Variants in PPP2R3B observed in about 807,000 individuals in gnomAD.
PPP2R3B encodes serine/threonine-protein phosphatase 2A regulatory subunit B'' subunit beta.
In PPP2R3B, 68 loss-of-function variants were observed where a neutral mutation model predicts 72.9. The ratio of observed to expected loss-of-function variants is 0.93; its 90% confidence interval spans 0.77 to 1.14. PPP2R3B has a LOEUF of 1.14. PPP2R3B is among the 50% of genes most tolerant of loss of function. The probability of loss-of-function intolerance (pLI) is 0.00; values close to 1 mark genes in which losing one functional copy is unlikely to be tolerated. For missense variants in PPP2R3B, 1,018 were observed against 842.0 expected, an observed-to-expected ratio of 1.21 and a Z score of -2.59; for synonymous variants, 466 against 375.8, an observed-to-expected ratio of 1.24 and a Z score of -2.78.
intron 7 of PPP2R3B, chrX:344,983 GC>G: frequency 2.8e-6 from 1 of 356,876 alleles, no homozygotes; most frequent in Non-Finnish European, 5.5e-6. Context: ...CAGGCCACAG[GC>G]CGCTTTGAGT....
Position 361,463 on chromosome X carries a change from G to T in PPP2R3B, c.452C>A (p.Thr151Asn), listed in dbSNP as rs1312589761. 1.2e-6 allele frequency: 2 copies of T among 1,614,010 alleles called. No individual in the cohort carries two copies. The highest frequency in any genetic ancestry group is 3.3e-5 in the Admixed American group (2 of 60,026). ...VDAVISKIES[T>N]FARFPHERAT... is the part of the protein sequence containing the mutation. ...CCTCTCGTGGGGGAACCGGGCGAAG[G>T]TGCTCTCGATCTTGCTGATGACGGC... The change falls in exon 2 of 13, where the codon ACC becomes AAC. Residue 151 changes from threonine to asparagine, a missense_variant. Transcript: ENST00000390665.
intron 1 of PPP2R3B, among the ~76,000 whole-genome samples, chrX:364,477 T>A (rs1285674468): frequency 7.5e-6 from 1 of 132,916 alleles, no homozygotes; most frequent in Admixed American, 8.8e-5. Context: ...AAGACCAGCC[T>A]GGGCAACATG....
At chrX:381,156 T>G (rs2072115877) in intron 1 of PPP2R3B, among the ~76,000 whole-genome samples, 1 of 152,074 alleles carries the variant, frequency 6.6e-6, no homozygotes, top group Admixed American at 6.6e-5. Context: ...CTCAAACTCC[T>G]GGCCTCAAGG....
chrX:382,548 T>G (rs1289083507), intron 1 of PPP2R3B, among the ~76,000 whole-genome samples: 1 of 150,520 alleles, frequency 6.6e-6, no homozygotes, highest in Non-Finnish European at 1.5e-5. Context: ...ATAAACTCAG[T>G]GCATTTCTCA....
chrX:354,326 A>T (rs1406743381), intron 2 of PPP2R3B, among the ~76,000 whole-genome samples: 2 of 149,632 alleles, frequency 1.3e-5, no homozygotes, highest in African/African-American at 2.5e-5. Context: ...GGTCAAGACC[A>T]GTCCTTCATG....
At chrX:366,894 G>A (rs1244412416) in intron 1 of PPP2R3B, among the ~76,000 whole-genome samples, 2 of 150,792 alleles carry the variant, frequency 1.3e-5, no homozygotes, top group Non-Finnish European at 2.9e-5. Context: ...CAGGTGTGGT[G>A]GCGCATGCCT....
Position 347,506 on chromosome X carries a change from C to T in PPP2R3B, c.614+84G>A, listed in dbSNP as rs1302603915. Reference sequence around the variant, plus strand: ...GTTTCTCCTCTCACTGCGGCAGCCTCAGGGGGCACCCGTCCTGGCACCACG... The same window carrying T: ...GTTTCTCCTCTCACTGCGGCAGCCTTAGGGGGCACCCGTCCTGGCACCACG... On this transcript the variant is annotated intron_variant, in intron 3 of 12. Transcript: ENST00000390665. The T allele has an allele frequency of 4.8e-6, 7 of 1,452,330 alleles. No homozygotes were observed. In the Admixed American group the frequency reaches 6.0e-5, roughly 12 times the overall value. The allele number at this position is 1,452,330 out of a possible 1,614,324, so 90.0% of individuals were successfully genotyped here.
intron 12 of PPP2R3B, chrX:336,201 G>A (rs781191869): frequency 4.6e-5 from 7 of 151,946 alleles, no homozygotes; most frequent in South Asian, 2.1e-4. Flanking sequence ...GATAATCTCT[G>A]CAAAGAGAAT....
chrX:351,090 C>T (rs1056472051), intron 2 of PPP2R3B, among the ~76,000 whole-genome samples: 3 of 152,116 alleles, frequency 2.0e-5, no homozygotes, highest in East Asian at 3.9e-4. Flanking sequence ...GGACGCGCTC[C>T]GGCTGGCGCA....
Position 346,249 on chromosome X carries a change from C to A in PPP2R3B, c.804G>T (p.Arg268=). The change falls in exon 6 of 13, where the codon CGG becomes CGT. Residue 268 remains arginine (R), a synonymous_variant. Transcript: ENST00000390665. The stretch of plus-strand genomic sequence containing the variant: ...AGGACCGGTTCACGGCGTAGAAGAT[C>A]CGCTGGATGACCTGCGGGGGCGCTG... ...HSRYITTVIQ[R]IFYAVNRSWS... is the part of the protein sequence containing the mutation. 1 of 1,569,182 alleles carries A rather than the reference C, an allele frequency of 6.4e-7. No homozygotes were observed.
At chrX:345,076 GAGGTATATGAACGACCGCTA>G (rs1569384386) in intron 7 of PPP2R3B, 1 of 438,816 alleles carries the variant, frequency 2.3e-6, no homozygotes. Context: ...GGCTCCCGCG[GAGGTATATGAACGACCGCTA>G]AGCCTGGGGC....
At position 386,349 on chromosome X, in the gene PPP2R3B, A is replaced by C; in HGVS notation, c.324+19T>G. 1 of 1,308,954 alleles carries C rather than the reference A, an allele frequency of 7.6e-7. No homozygotes were observed. Among genetic ancestry groups the C allele is most frequent in the Non-Finnish European group, 9.8e-7 (1 of 1,021,116 alleles). 81.1% of individuals were successfully genotyped at this position (1,308,954 alleles called of 1,614,324 possible). Reference sequence around the variant, plus strand: ...CAGAGCCACCTGCGCAGTTGTTAGCAGAAGGAAGAGTAACTTACTACTCTC... The same window carrying C: ...CAGAGCCACCTGCGCAGTTGTTAGCCGAAGGAAGAGTAACTTACTACTCTC... On this transcript the variant is annotated intron_variant, in intron 1 of 12. Transcript: ENST00000390665.
intron 7 of PPP2R3B, 195 bp downstream of exon 7, chrX:345,321 G>A (rs2738356): frequency 0.77 from 623,067 of 812,490 alleles, 240,900 homozygotes; most frequent in Middle Eastern, 0.83. Flanking sequence ...AGAGGCGCAC[G>A]CGGGGACCCA....
intron 7 of PPP2R3B, 23 bp downstream of exon 7, chrX:345,493 C>T (rs747543381): frequency 2.4e-5 from 39 of 1,611,702 alleles, no homozygotes; most frequent in Admixed American, 1.0e-4. Flanking sequence ...GCGCGGCCCG[C>T]CCGCCCCTGT....
At chrX:384,492 G>A (rs1214510307) in intron 1 of PPP2R3B, among the ~76,000 whole-genome samples, 7 of 151,722 alleles carry the variant, frequency 4.6e-5, no homozygotes, top group Admixed American at 3.9e-4. Context: ...ATGGGGTTTC[G>A]CCATGTTGCC....
At chrX:369,789 G>C (rs1001588745) in intron 1 of PPP2R3B, among the ~76,000 whole-genome samples, 4 of 152,234 alleles carry the variant, frequency 2.6e-5, no homozygotes, top group Admixed American at 6.5e-5. Context: ...AGCAGCAGGG[G>C]GCCGGCGGAA....
rs138691398 is a variant in PPP2R3B at position 352,199 on chromosome X, T to A, written c.511-4506A>T. Among the ~76,000 whole-genome samples, 612 of 152,352 alleles carry A rather than the reference T, an allele frequency of 4.0e-3. 5 individuals are homozygous for A. The highest frequency in any genetic ancestry group is 7.4e-3 in the Non-Finnish European group (503 of 68,022). ...TTACCTGAATGTCACAAAATCCTTA[T>A]GGGAAAGGGAATAAAACATCAGATA... On this transcript the variant is annotated intron_variant, in intron 2 of 12. Transcript: ENST00000390665.
At chrX:367,552 C>T (rs1310899327) in intron 1 of PPP2R3B, among the ~76,000 whole-genome samples, 6 of 152,092 alleles carry the variant, frequency 3.9e-5, no homozygotes, top group Admixed American at 6.6e-5. Flanking sequence ...TGTGAGGCCC[C>T]GTGCCCGGCC....
chrX:341,022 G>A (rs2124588919), intron 9 of PPP2R3B, 82 bp from the exon 10 acceptor site: 5 of 1,534,078 alleles, frequency 3.3e-6, no homozygotes, highest in Non-Finnish European at 4.4e-6. Context: ...GCCCCCACCG[G>A]GGGTGCACGC....
Sources: allele counts gnomAD v4.1 joint callset (sites outside exome capture counted in the v4.1 genomes callset), GRCh38; gene constraint gnomAD v4.1.1; transcripts MANE v1.5; gene names NCBI Gene and HGNC (gene_info 2026-07-23, HGNC 2026-07-21).